Variants in CNTN4 observed in about 807,000 individuals in gnomAD.
The protein encoded by CNTN4 is contactin 4.
A neutral mutation model predicts 122.5 loss-of-function variants in CNTN4; 77 were observed. That is an observed-to-expected ratio of 0.63 (90% CI 0.52 to 0.76). CNTN4 has a LOEUF of 0.76. CNTN4 is among the 30% of genes least tolerant of loss of function. The probability of loss-of-function intolerance (pLI) is 0.00; values close to 1 mark genes in which losing one functional copy is unlikely to be tolerated. For synonymous variants in CNTN4, 512 were observed against 447.0 expected (o/e 1.15, Z -1.83); for missense variants, 1,256 against 1,259.1 (o/e 1.00, Z 0.04).
chr3:2,150,219 TA>T (rs1361613164), intron 2 of CNTN4, among the ~76,000 whole-genome samples: 1 of 152,180 alleles, frequency 6.6e-6, no homozygotes, highest in Admixed American at 6.5e-5. Flanking sequence ...TCATCATTTC[TA>T]ATATAGGGAT....
At chr3:2,384,735 C>T (rs1408937290) in intron 3 of CNTN4, among the ~76,000 whole-genome samples, 1 of 151,218 alleles carries the variant, frequency 6.6e-6, no homozygotes, top group Middle Eastern at 3.2e-3. Context: ...TCCCTGGCTC[C>T]TACACCAGTA....
At chr3:2,955,235 T>C (rs1270857638) in intron 13 of CNTN4, among the ~76,000 whole-genome samples, 2 of 152,118 alleles carry the variant, frequency 1.3e-5, no homozygotes, top group Non-Finnish European at 2.9e-5. Context: ...AGATGCAAAA[T>C]CAGCCATAAA....
At chr3:2,524,156 C>T (rs1022520137) in intron 3 of CNTN4, among the ~76,000 whole-genome samples, 1 of 152,032 alleles carries the variant, frequency 6.6e-6, no homozygotes, top group Non-Finnish European at 1.5e-5. Context: ...TCCCATTTCT[C>T]CTCAATCCCT....
At chr3:2,894,959 A>T (rs2094090431) in intron 10 of CNTN4, among the ~76,000 whole-genome samples, 1 of 152,204 alleles carries the variant, frequency 6.6e-6, no homozygotes, top group South Asian at 2.1e-4. Context: ...TAAGAGATGT[A>T]GGTAAAATCA....
At chr3:2,645,649 T>A (rs1307903980) in intron 4 of CNTN4, among the ~76,000 whole-genome samples, 2 of 152,190 alleles carry the variant, frequency 1.3e-5, no homozygotes, top group Non-Finnish European at 2.9e-5. Context: ...CATTTAAAAA[T>A]TGGTCCCCAG....
intron 2 of CNTN4, among the ~76,000 whole-genome samples, chr3:2,154,379 C>CAAA (rs34618946): frequency 1.1e-3 from 144 of 127,900 alleles, no homozygotes; most frequent in African/African-American, 3.9e-3. Context: ...GACACTGTCT[C>CAAA]AAAAAAAAAA....
chr3:2,418,430 G>A (rs56336996), intron 3 of CNTN4, among the ~76,000 whole-genome samples: 1 of 152,230 alleles, frequency 6.6e-6, no homozygotes, highest in African/African-American at 2.4e-5. Context: ...ACGTAAAACT[G>A]CTCACAGCCC....
chr3:2,409,590 A>C (rs2047161473), intron 3 of CNTN4, among the ~76,000 whole-genome samples: 1 of 152,220 alleles, frequency 6.6e-6, no homozygotes, highest in East Asian at 1.9e-4. Flanking sequence ...GCATTATAGC[A>C]ATCATTAATC....
intron 15 of CNTN4, 143 bp from the exon 16 acceptor site, chr3:3,030,712 T>C: frequency 3.0e-6 from 3 of 1,008,130 alleles, no homozygotes; most frequent in Middle Eastern, 2.5e-4. Context: ...GGCTCACATA[T>C]TTTTAACAGG....
chr3:2,280,594 G>T (rs1575251937), intron 2 of CNTN4, among the ~76,000 whole-genome samples: 1 of 152,216 alleles, frequency 6.6e-6, no homozygotes, highest in East Asian at 1.9e-4. Context: ...AGGGTCTTTA[G>T]CTATTAGCTG....
intron 3 of CNTN4, among the ~76,000 whole-genome samples, chr3:2,421,500 C>T (rs1180033220): frequency 6.6e-6 from 1 of 152,296 alleles, no homozygotes; most frequent in East Asian, 1.9e-4. Flanking sequence ...GATCTGCCCA[C>T]CTTGGTCTTC....
At position 2,533,379 on chromosome 3, in the gene CNTN4, C is replaced by T. The variant is rs146987865; in HGVS notation, c.-88-38037C>T. Among the ~76,000 whole-genome samples the T allele has an allele frequency of 2.9e-3, 437 of 152,028 alleles. 2 individuals carry two copies. The highest frequency in any genetic ancestry group is 9.9e-3 in the African/African-American group (409 of 41,478). On this transcript the variant is annotated intron_variant, in intron 3 of 24. Transcript: ENST00000418658. ...ATTCCGACCTATGAGTGAGAACATG[C>T]AGTGTTTGATTTTTTGTCCTTGCGA...
At chr3:2,729,737 A>T (rs2088534571) in intron 4 of CNTN4, among the ~76,000 whole-genome samples, 1 of 151,182 alleles carries the variant, frequency 6.6e-6, no homozygotes, top group Admixed American at 6.6e-5. Context: ...ACATGCTGAA[A>T]CCCCGTCTCT....
At chr3:2,423,423 A>G (rs961045703) in intron 3 of CNTN4, among the ~76,000 whole-genome samples, 2 of 151,294 alleles carry the variant, frequency 1.3e-5, no homozygotes, top group Admixed American at 6.6e-5. Flanking sequence ...ATCCAGACAC[A>G]CTTCTCGATG....
chr3:2,457,886 C>T (rs1193294817), intron 3 of CNTN4, among the ~76,000 whole-genome samples: 1 of 152,098 alleles, frequency 6.6e-6, no homozygotes, highest in Non-Finnish European at 1.5e-5. Context: ...GATAACTCTG[C>T]CACTTGGCCA....
chr3:2,574,225 C>T lies in CNTN4; in HGVS notation c.55+2667C>T, dbSNP rs570808318. Among the ~76,000 whole-genome samples, 11 of 152,168 alleles carry T rather than the reference C, an allele frequency of 7.2e-5. No individual in the cohort carries two copies. In the South Asian group the frequency reaches 8.3e-4, roughly 11 times the overall value. On this transcript the variant is annotated intron_variant, in intron 4 of 24. Transcript: ENST00000418658. The stretch of plus-strand genomic sequence containing the variant: ...GAGTGAAACTCCATCTCACCAAAAA[C>T]GAAAAACAAAAACAAAACAAAAAAC...
intron 2 of CNTN4, among the ~76,000 whole-genome samples, chr3:2,150,437 C>T (rs1365219576): frequency 2.6e-5 from 4 of 152,062 alleles, no homozygotes; most frequent in Admixed American, 2.6e-4. Context: ...ATATTTGAAA[C>T]TATAAGTATC....
intron 6 of CNTN4, among the ~76,000 whole-genome samples, chr3:2,801,548 A>G (rs984562305): frequency 6.6e-6 from 1 of 152,208 alleles, no homozygotes; most frequent in Non-Finnish European, 1.5e-5. Flanking sequence ...TAAAATAATG[A>G]AGATATTCTT....
intron 3 of CNTN4, among the ~76,000 whole-genome samples, chr3:2,512,532 A>C (rs1226609975): frequency 1.3e-5 from 2 of 152,210 alleles, no homozygotes; most frequent in African/African-American, 2.4e-5. Flanking sequence ...TCAATGCCTT[A>C]GTGAAATTAA....
Sources: gnomAD v4.1 joint callset for allele counts (sites outside exome capture counted in the v4.1 genomes callset) on GRCh38, gnomAD v4.1.1 for gene constraint, MANE v1.5 for transcripts, NCBI Gene and HGNC (gene_info 2026-07-23, HGNC 2026-07-21) for gene names.